PIK3C2G: variants seen among roughly 807,000 people sequenced by gnomAD.
The protein encoded by PIK3C2G is phosphatidylinositol-4-phosphate 3-kinase catalytic subunit type 2 gamma.
In PIK3C2G, 168 loss-of-function variants were observed where a neutral mutation model predicts 181.1. The observed-to-expected ratio is 0.93, with a 90% CI of 0.82 to 1.05. The LOEUF (loss-of-function observed/expected upper bound fraction) is 1.05, where lower values mean the gene tolerates loss of function less well. PIK3C2G is among the 50% of genes least tolerant of loss of function. The pLI, the probability that PIK3C2G is intolerant of heterozygous loss-of-function variation, is 0.00. For synonymous variants in PIK3C2G, 573 were observed against 592.2 expected (o/e 0.97, Z 0.47); for missense variants, 1,869 against 1,732.8 (o/e 1.08, Z -1.40).
chr12:18,319,564 C>T lies in PIK3C2G; in HGVS notation c.1138-1398C>T, dbSNP rs549471643. On this transcript the variant is annotated intron_variant, in intron 6 of 32. Coordinates refer to ENST00000538779, the MANE Select transcript of PIK3C2G (RefSeq NM_001288772.2). ...TATTTAAATTAAAAAATTTTTCTAG[C>T]AAAAGGTACTATGACTAATACCGAA... is the stretch of plus-strand genomic sequence containing the variant. Among the ~76,000 whole-genome samples, 228 of 152,036 alleles carry T rather than the reference C, an allele frequency of 1.5e-3. 1 individual carries two copies. Among genetic ancestry groups the T allele is most frequent in the Middle Eastern group, 0.014 (4 of 294 alleles).
the PIK3C2G span, among the ~76,000 whole-genome samples, chr12:18,656,343 T>C: frequency 6.6e-6 from 1 of 152,104 alleles, no homozygotes; most frequent in Non-Finnish European, 1.5e-5. Flanking sequence ...TTTAGGAGGC[T>C]GAGGCGGGTG....
intron 5 of PIK3C2G, among the ~76,000 whole-genome samples, chr12:18,304,185 C>G (rs1308613218): frequency 6.6e-6 from 1 of 152,058 alleles, no homozygotes; most frequent in African/African-American, 2.4e-5. Flanking sequence ...AATTAAAATT[C>G]TAAAATAATC....
chr12:18,524,897 A>AT (rs201518640), intron 24 of PIK3C2G, among the ~76,000 whole-genome samples: 54 of 151,464 alleles, frequency 3.6e-4, no homozygotes, highest in African/African-American at 5.6e-4. Flanking sequence ...TAAAAAACAG[A>AT]TTTTTTTTTG....
At chr12:18,320,127 A>G (rs1204462957) in intron 6 of PIK3C2G, 1 of 152,176 alleles carries the variant, frequency 6.6e-6, no homozygotes, top group East Asian at 1.9e-4. Flanking sequence ...TCAGTTTTAA[A>G]AATAGATTGT....
chr12:18,399,345 A>G (rs1214890501), intron 15 of PIK3C2G, among the ~76,000 whole-genome samples: 2 of 151,728 alleles, frequency 1.3e-5, no homozygotes, highest in Non-Finnish European at 2.9e-5. Flanking sequence ...GGTTTTCCCT[A>G]GAGGAGAGAG....
At chr12:18,313,040 T>A (rs1591919493) in intron 5 of PIK3C2G, among the ~76,000 whole-genome samples, 1 of 152,122 alleles carries the variant, frequency 6.6e-6, no homozygotes, top group African/African-American at 2.4e-5. Context: ...ACTTTTTTCC[T>A]CCTGAAATCC....
chr12:18,434,349 A>G lies in PIK3C2G; in HGVS notation c.2504+10310A>G, dbSNP rs112230478. 8.4e-4 allele frequency among the ~76,000 whole-genome samples: 128 copies of G among 152,298 alleles called. 1 individual carries two copies. Among genetic ancestry groups the G allele is most frequent in the African/African-American group, 3.0e-3 (123 of 41,578 alleles). On this transcript the variant is annotated intron_variant, in intron 18 of 32. Transcript: ENST00000538779. ...CAGCTCATGAATTTTTAAAGGGAAC[A>G]CATTGAAACCATTACATCCCCTAAA...
chr12:18,623,979 A>T (rs542799127), intron 31 of PIK3C2G, among the ~76,000 whole-genome samples: 2 of 151,900 alleles, frequency 1.3e-5, no homozygotes, highest in South Asian at 4.1e-4. Flanking sequence ...CCATCTGCAA[A>T]CAAAGATGAT....
At chr12:18,653,221 C>T (rs555884654), downstream of PIK3C2G, among the ~76,000 whole-genome samples, 2 of 152,118 alleles carry the variant, frequency 1.3e-5, no homozygotes, top group South Asian at 4.1e-4. Flanking sequence ...GAGTTGATTC[C>T]CAGAGGAAAT....
At chr12:18,545,860 T>C (rs938207581) in intron 25 of PIK3C2G, among the ~76,000 whole-genome samples, 4 of 151,930 alleles carry the variant, frequency 2.6e-5, no homozygotes, top group Admixed American at 2.6e-4. Flanking sequence ...TTTTCTTCTC[T>C]AAAATGCATA....
the PIK3C2G span, chr12:18,693,657 G>T: frequency 6.4e-7 from 1 of 1,565,414 alleles, no homozygotes; most frequent in Non-Finnish European, 8.8e-7. Flanking sequence ...GGGACAAAAA[G>T]ATATGACTCC....
the PIK3C2G span, chr12:18,714,993 T>A: frequency 1.3e-5 from 2 of 151,842 alleles, no homozygotes; most frequent in African/African-American, 4.8e-5. Context: ...ATGGGCCATA[T>A]GAGAAAATGA....
At chr12:18,430,561 T>G (rs1028155493) in intron 18 of PIK3C2G, among the ~76,000 whole-genome samples, 1 of 152,216 alleles carries the variant, frequency 6.6e-6, no homozygotes, top group Non-Finnish European at 1.5e-5. Flanking sequence ...ATTCAATGTA[T>G]GAATAGGATT....
chr12:18,348,635 T>A (rs937161469), intron 11 of PIK3C2G, among the ~76,000 whole-genome samples: 1 of 152,158 alleles, frequency 6.6e-6, no homozygotes, highest in Non-Finnish European at 1.5e-5. Context: ...AAGGAATCCA[T>A]GGACCAGTCA....
intron 1 of PIK3C2G, among the ~76,000 whole-genome samples, chr12:18,269,218 A>G (rs1029324277): frequency 3.3e-5 from 5 of 152,122 alleles, no homozygotes; most frequent in Non-Finnish European, 7.4e-5. Context: ...GCTGAAACTT[A>G]GATTTCTTAA....
At chr12:18,572,696 G>C (rs1046870038) in intron 29 of PIK3C2G, among the ~76,000 whole-genome samples, 3 of 151,540 alleles carry the variant, frequency 2.0e-5, no homozygotes, top group Non-Finnish European at 2.9e-5. Flanking sequence ...TCTTTTTCTA[G>C]GACTGTAATA....
intron 11 of PIK3C2G, among the ~76,000 whole-genome samples, chr12:18,347,635 C>T (rs2137670067): frequency 6.6e-6 from 1 of 152,098 alleles, no homozygotes; most frequent in South Asian, 2.1e-4. Flanking sequence ...AATGGTGAAA[C>T]CCCGTCTCTA....
the PIK3C2G span, among the ~76,000 whole-genome samples, chr12:18,664,729 T>G: frequency 6.6e-6 from 1 of 151,654 alleles, no homozygotes; most frequent in Non-Finnish European, 1.5e-5. Context: ...GCGGCACTAT[T>G]CACAATAGCA....
chr12:18,488,861 C>A (rs965808615), intron 19 of PIK3C2G, among the ~76,000 whole-genome samples: 4 of 151,702 alleles, frequency 2.6e-5, no homozygotes, highest in East Asian at 1.9e-4. Context: ...ACAGAGAGAA[C>A]CTGAAAAGAA....
Sources: allele counts gnomAD v4.1 joint callset (sites outside exome capture counted in the v4.1 genomes callset), GRCh38; gene constraint gnomAD v4.1.1; transcripts MANE v1.5; gene names NCBI Gene and HGNC (gene_info 2026-07-23, HGNC 2026-07-21).